Variants in WWP1 observed in about 807,000 individuals in gnomAD.
The protein encoded by WWP1 is WW domain containing E3 ubiquitin protein ligase 1.
Under a neutral mutation model 130.6 loss-of-function variants are expected in WWP1, and 49 were observed. That is an observed-to-expected ratio of 0.38 (90% CI 0.30 to 0.48). The LOEUF (loss-of-function observed/expected upper bound fraction) is 0.48, where lower values mean the gene tolerates loss of function less well. WWP1 is among the 20% of genes least tolerant of loss of function. The pLI is 0.99. For synonymous variants in WWP1, 332 were observed against 367.8 expected (o/e 0.90, Z 1.11); for missense variants, 809 against 1,100.6 (o/e 0.74, Z 3.75).
chr8:86,363,910 G>C (rs193016600), intron 1 of WWP1, among the ~76,000 whole-genome samples: 1 of 151,836 alleles, frequency 6.6e-6, no homozygotes, highest in Non-Finnish European at 1.5e-5. Flanking sequence ...GACAAAAGTA[G>C]TGTACGTGAA....
At chr8:86,449,391 G>A (rs1437668733) in intron 20 of WWP1, among the ~76,000 whole-genome samples, 1 of 152,184 alleles carries the variant, frequency 6.6e-6, no homozygotes, top group Admixed American at 6.5e-5. Context: ...TCACCTCTGT[G>A]GTATAGTGCA....
chr8:86,453,257 T>G (rs866416140), intron 21 of WWP1, among the ~76,000 whole-genome samples: 15 of 152,316 alleles, frequency 9.8e-5, no homozygotes, highest in Middle Eastern at 3.4e-3. Context: ...TTGACTACTG[T>G]TGATACCTCC....
At chr8:86,425,406 T>C in intron 10 of WWP1, 88 bp downstream of exon 10, 1 of 918,408 alleles carries the variant, frequency 1.1e-6, no homozygotes, top group Non-Finnish European at 1.6e-6. Context: ...ATTTGATTCT[T>C]TCATTCTGCA....
At chr8:86,433,009 T>G (rs1025391402) in intron 14 of WWP1, among the ~76,000 whole-genome samples, 12 of 152,168 alleles carry the variant, frequency 7.9e-5, no homozygotes, top group African/African-American at 2.9e-4. Flanking sequence ...CCAAGGAAGT[T>G]CCCCTGACAC....
chr8:86,435,858 T>G (rs1266983509), intron 16 of WWP1, among the ~76,000 whole-genome samples, 154 bp downstream of exon 16: 8 of 152,000 alleles, frequency 5.3e-5, no homozygotes, highest in Non-Finnish European at 1.2e-4. Flanking sequence ...TTTGTTTTGT[T>G]TTGTTTTGTT....
intron 9 of WWP1, among the ~76,000 whole-genome samples, chr8:86,415,220 T>C (rs943696700): frequency 6.6e-6 from 1 of 152,140 alleles, no homozygotes; most frequent in Non-Finnish European, 1.5e-5. Flanking sequence ...ATTCCAGAGG[T>C]GTTTTTTGAG....
At chr8:86,356,861 T>C (rs1163964533) in intron 1 of WWP1, among the ~76,000 whole-genome samples, 1 of 152,174 alleles carries the variant, frequency 6.6e-6, no homozygotes, top group Non-Finnish European at 1.5e-5. Context: ...ATCACCACCT[T>C]GTGGCCTTCT....
At chr8:86,466,302 A>G (rs73273139) in intron 24 of WWP1, among the ~76,000 whole-genome samples, 8,237 of 152,282 alleles carry the variant, frequency 0.054, 377 homozygotes, top group African/African-American at 0.12. Flanking sequence ...TTATTTGAAA[A>G]GACAAAGAAA....
At chr8:86,381,025 T>A (rs763115694) in intron 4 of WWP1, among the ~76,000 whole-genome samples, 161 bp downstream of exon 4, 53 of 152,144 alleles carry the variant, frequency 3.5e-4, no homozygotes, top group Non-Finnish European at 6.6e-4. Flanking sequence ...ATTTTTTTTT[T>A]AAGGGGAGGA....
At chr8:86,405,389 G>A (rs1586371742) in intron 8 of WWP1, among the ~76,000 whole-genome samples, 2 of 146,630 alleles carry the variant, frequency 1.4e-5, no homozygotes, top group African/African-American at 5.1e-5. Flanking sequence ...ACTGATGAAA[G>A]GCTATTTATG....
chr8:86,444,026 C>T lies in WWP1; in HGVS notation c.1998+1248C>T, dbSNP rs114651898. On this transcript the variant is annotated intron_variant, in intron 18 of 24. Coordinates refer to ENST00000517970, the MANE Select transcript of WWP1 (RefSeq NM_007013.4). ...CTTAAATTTTATTAAGCTTGCTTTA[C>T]GAGTATGTAGAAGACAGACTATAAT... 2.2e-3 allele frequency among the ~76,000 whole-genome samples: 328 copies of T among 152,228 alleles called. 1 individual carries two copies. The highest frequency in any genetic ancestry group is 7.6e-3 in the African/African-American group (317 of 41,522).
chr8:86,435,757 C>T, intron 16 of WWP1, 53 bp downstream of exon 16: 2 of 1,551,492 alleles, frequency 1.3e-6, no homozygotes, highest in South Asian at 1.1e-5. Flanking sequence ...GTATTCTGTG[C>T]ATCTAAAGAA....
chr8:86,396,125 G>C (rs1177563235), intron 5 of WWP1, among the ~76,000 whole-genome samples: 1 of 151,072 alleles, frequency 6.6e-6, no homozygotes, highest in African/African-American at 2.4e-5. Context: ...TTGAGATGGA[G>C]TCTTGGTCTG....
chr8:86,381,529 G>A lies in WWP1; in HGVS notation c.234G>A (p.Leu78=), dbSNP rs1415080032. 6.2e-7 allele frequency: 1 copy of A among 1,609,100 alleles called. No homozygotes were observed. Among genetic ancestry groups the A allele is most frequent in the Admixed American group, 1.7e-5 (1 of 58,350 alleles). ...GAAATGTTACGCCACAGACTACATT[G>A]GAATTTCAAGTTTGGAGCCATCGCA... The part of the protein sequence containing the change: ...LTVNVTPQTT[L]EFQVWSHRTL... Residue 78 remains leucine, a synonymous_variant, in exon 5 of 25, where the codon TTG becomes TTA. Coordinates refer to ENST00000517970, the MANE Select transcript of WWP1 (RefSeq NM_007013.4).
At chr8:86,422,185 C>T (rs1809254836) in intron 9 of WWP1, among the ~76,000 whole-genome samples, 1 of 152,098 alleles carries the variant, frequency 6.6e-6, no homozygotes, top group Non-Finnish European at 1.5e-5. Context: ...TGTCAGCACC[C>T]CAGGAATACT....
At chr8:86,355,497 A>G (rs1269465636) in intron 1 of WWP1, among the ~76,000 whole-genome samples, 4 of 152,244 alleles carry the variant, frequency 2.6e-5, no homozygotes, top group Non-Finnish European at 5.9e-5. Context: ...TACTATTAAA[A>G]TATCAGTTTG....
At chr8:86,448,082 A>G (rs141794609) in intron 18 of WWP1, 66 bp from the exon 19 acceptor site, 2 of 1,382,546 alleles carry the variant, frequency 1.4e-6, no homozygotes, top group African/African-American at 1.5e-5. Context: ...TTTTTCTTTT[A>G]TCATTGTTCT....
At chr8:86,423,934 C>T (rs1320951637) in intron 9 of WWP1, among the ~76,000 whole-genome samples, 18 of 108,162 alleles carry the variant, frequency 1.7e-4, no homozygotes, top group Middle Eastern at 6.4e-3. Flanking sequence ...GGGCGGCTGG[C>T]CGGGCGGGGG....
chr8:86,409,537 A>G (rs1191364425), intron 8 of WWP1, among the ~76,000 whole-genome samples: 1 of 147,322 alleles, frequency 6.8e-6, no homozygotes, highest in East Asian at 2.2e-4. Context: ...CCCAGCCCTG[A>G]TTTTACTTTA....
Sources: allele counts gnomAD v4.1 joint callset (sites outside exome capture counted in the v4.1 genomes callset), GRCh38; gene constraint gnomAD v4.1.1; transcripts MANE v1.5; gene names NCBI Gene and HGNC (gene_info 2026-07-23, HGNC 2026-07-21).